Variants in MMEL1 observed in about 807,000 individuals in gnomAD.
The protein encoded by MMEL1 is membrane metallo-endopeptidase-like 1.
Under a neutral mutation model 117.1 loss-of-function variants are expected in MMEL1, and 98 were observed. The ratio of observed to expected loss-of-function variants is 0.84; its 90% CI spans 0.71 to 0.99. The LOEUF (loss-of-function observed/expected upper bound fraction) is 0.99. MMEL1 is among the 50% of genes least tolerant of loss of function. The probability of loss-of-function intolerance (pLI) is 0.00; values close to 1 mark genes in which losing one functional copy is unlikely to be tolerated. For synonymous variants in MMEL1, 390 were observed against 415.1 expected (o/e 0.94, Z 0.74); for missense variants, 1,014 against 1,049.1 (o/e 0.97, Z 0.46).
intron 22 of MMEL1, 136 bp downstream of exon 22, chr1:2,591,796 C>A (rs556435198): frequency 9.3e-7 from 1 of 1,076,306 alleles, no homozygotes; most frequent in East Asian, 2.4e-5. Flanking sequence ...GTCCAGCTCC[C>A]GCCCCCTGCC....
At position 2,612,177 on chromosome 1, in the gene MMEL1, C is replaced by G. The variant is rs147345065; in HGVS notation, c.182G>C (p.Arg61Pro). Residue 61 changes from arginine to proline, a missense_variant, in exon 3 of 24, where the codon CGG becomes CCG. Arg to Pro is a moderately radical substitution (Grantham distance 103, BLOSUM62 -2). Coordinates refer to ENST00000378412, the MANE Select transcript of MMEL1 (RefSeq NM_033467.4). This position sits in a 1 kb window ranked among gnomAD's most constrained non-coding sequence, Gnocchi z 5.4. ...CCTCTCCTCCTGTAAGAAGCACAGC[C>G]GGCTAGCAAGGCGTGGCAGCTGCTT... Reference protein sequence around the residue: ...RGKQLPRLASRLCFLQEERTF... With the variant: ...RGKQLPRLASPLCFLQEERTF... 1 of 1,579,212 alleles carries G rather than the reference C, an allele frequency of 6.3e-7. No individual in the cohort carries two copies. The highest frequency in any genetic ancestry group is 1.2e-5 in the South Asian group (1 of 86,602).
intron 2 of MMEL1, among the ~76,000 whole-genome samples, chr1:2,618,416 CA>C (rs1261088988): frequency 6.6e-6 from 1 of 152,356 alleles, no homozygotes; most frequent in Admixed American, 6.5e-5. Flanking sequence ...ATAAATTACT[CA>C]GTCTCAGGTA....
intron 23 of MMEL1, chr1:2,591,341 G>C (rs1158101910): frequency 3.3e-6 from 2 of 599,708 alleles, no homozygotes; most frequent in East Asian, 2.8e-5. Flanking sequence ...AACATTCGCA[G>C]CCTGCGGTAG....
intron 4 of MMEL1, among the ~76,000 whole-genome samples, chr1:2,610,376 G>A (rs1645106409): frequency 1.3e-5 from 2 of 152,222 alleles, no homozygotes; most frequent in South Asian, 4.1e-4. Flanking sequence ...CAAACCCTCC[G>A]AGACTCATTT....
intron 19 of MMEL1, among the ~76,000 whole-genome samples, 157 bp from the exon 20 acceptor site, chr1:2,593,123 G>A (rs1032417476): frequency 6.6e-6 from 1 of 152,152 alleles, no homozygotes; most frequent in East Asian, 1.9e-4. Flanking sequence ...AGAGCATCGC[G>A]GGCTCCAAGG....
At chr1:2,617,447 A>G (rs1045454298) in intron 2 of MMEL1, among the ~76,000 whole-genome samples, 1 of 149,996 alleles carries the variant, frequency 6.7e-6, no homozygotes, top group Non-Finnish European at 1.5e-5. Context: ...AAAAAAAAAA[A>G]AAATTAGTCA....
chr1:2,606,239 G>T lies in MMEL1; in HGVS notation c.750+9C>A, dbSNP rs759883569. On this transcript the variant is annotated intron_variant, in intron 8 of 23. Coordinates refer to ENST00000378412, the MANE Select transcript of MMEL1 (RefSeq NM_033467.4). ...CCTGCCTACCCCTGCCCACCGGCGC[G>T]GCTCGTACGTAGATGATGTGCCGGC... The T allele has an allele frequency of 6.2e-7, 1 of 1,610,100 alleles. No individual in the cohort carries two copies. The highest frequency in any genetic ancestry group is 1.3e-5 in the African/African-American group (1 of 74,882).
intron 6 of MMEL1, among the ~76,000 whole-genome samples, chr1:2,609,034 TACACACACACACACACACACACACAC>T (rs70956312): frequency 6.9e-6 from 1 of 144,670 alleles, no homozygotes; most frequent in African/African-American, 2.5e-5. Context: ...ATCCATATAA[TACACACACACACACACACACACACAC>T]ACACACACAC....
At position 2,594,837 on chromosome 1, in the gene MMEL1, G is replaced by C; in HGVS notation, c.1641C>G (p.Gly547=). 2 of 1,613,972 alleles carry C rather than the reference G, an allele frequency of 1.2e-6. No individual in the cohort carries two copies. The highest frequency in any genetic ancestry group is 1.7e-6 in the Non-Finnish European group (2 of 1,179,994). ...GAAGCTTCCTGAGGCTCCGCTGGGCGCCCACCTTGAGGTTCTGCAGACTGT... is the reference window on the plus strand; with the variant it reads ...GAAGCTTCCTGAGGCTCCGCTGGGCCCCCACCTTGAGGTTCTGCAGACTGT... ...FENSLQNLKV[G]AQRSLRKLRE... is the part of the protein sequence containing the mutation. The change falls in exon 17 of 24, where the codon GGC becomes GGG. Residue 547 remains glycine, a synonymous_variant. Coordinates refer to ENST00000378412, the MANE Select transcript of MMEL1 (RefSeq NM_033467.4).
In MMEL1 at chr1:2,609,418, C is replaced by T. The variant is rs145177132; in HGVS notation, c.456G>A (p.Ala152=). 5.2e-5 allele frequency: 84 copies of T among 1,609,252 alleles called. 1 individual carries two copies. In the African/African-American group the frequency reaches 7.1e-4, roughly 14 times the overall value. Residue 152 remains alanine, a splice_region_variant and synonymous_variant, in exon 6 of 24, where the codon GCG becomes GCA. Transcript: ENST00000378412. The part of the protein sequence containing the change: ...LRDELEVILK[A]VLENSTAKDR... Reference sequence around the variant, plus strand: ...CCTTGGCAGTCGAATTCTCCAGCACCGCTGTGGGCACAGGAAAAGGTTGGA... The same window carrying T: ...CCTTGGCAGTCGAATTCTCCAGCACTGCTGTGGGCACAGGAAAAGGTTGGA...
At position 2,598,856 on chromosome 1, in the gene MMEL1, T is replaced by C. The variant is rs78527105; in HGVS notation, c.1042-66A>G. 7.2e-4 allele frequency: 1,016 copies of C among 1,403,156 alleles called. 4 individuals are homozygous for C. The African/African-American group carries it at 0.013, about 18-fold the overall frequency. The allele number at this position is 1,403,156 out of a possible 1,614,324, so 86.9% of individuals were successfully genotyped here. On this transcript the variant is annotated intron_variant, in intron 11 of 23. Coordinates refer to ENST00000378412, the MANE Select transcript of MMEL1 (RefSeq NM_033467.4). ...GAGGGAGAAACAGTTCCTGGGAATC[T>C]AAGAAACCCAGCCCCTGTTGAAGAA...
At chr1:2,621,688 C>T (rs1161464774) in intron 2 of MMEL1, among the ~76,000 whole-genome samples, 10 of 152,224 alleles carry the variant, frequency 6.6e-5, no homozygotes, top group Admixed American at 2.6e-4. Context: ...CTCAGCCTCC[C>T]GAGTAGCTGG....
chr1:2,601,152 A>C (rs1007055731), intron 11 of MMEL1, among the ~76,000 whole-genome samples: 3 of 152,266 alleles, frequency 2.0e-5, no homozygotes, highest in Admixed American at 6.5e-5. Context: ...AGAATTATCA[A>C]GACACTCTTG....
chr1:2,631,409 T>C (rs1344414996), intron 1 of MMEL1, among the ~76,000 whole-genome samples: 1 of 150,664 alleles, frequency 6.6e-6, no homozygotes, highest in African/African-American at 2.4e-5. Context: ...GCCCCCCTGC[T>C]GTGGACTTTG....
At chr1:2,628,402 G>C (rs1638371739) in intron 2 of MMEL1, among the ~76,000 whole-genome samples, 1 of 152,258 alleles carries the variant, frequency 6.6e-6, no homozygotes, top group African/African-American at 2.4e-5. Flanking sequence ...CCAGACATGA[G>C]GGGGCATTCT....
intron 11 of MMEL1, 45 bp from the exon 12 acceptor site, chr1:2,598,835 G>GCC: frequency 6.9e-7 from 1 of 1,449,312 alleles, no homozygotes; most frequent in Non-Finnish European, 9.6e-7. Flanking sequence ...GAGAGAGAGG[G>GCC]AGAAACAGTT....
rs1645121972 is a variant in MMEL1, at chr1:2,611,234, C to A, written c.292+47G>T. On this transcript the variant is annotated intron_variant, in intron 4 of 23. Coordinates refer to ENST00000378412, the MANE Select transcript of MMEL1 (RefSeq NM_033467.4). ...GGCCTACGTCAGTGTCAGCCGGGAGCCCCCAGCCCTTGGGCAGGCTGTGGA... is the reference window on the plus strand; with the variant it reads ...GGCCTACGTCAGTGTCAGCCGGGAGACCCCAGCCCTTGGGCAGGCTGTGGA... The A allele has an allele frequency of 3.9e-6, 6 of 1,525,388 alleles. No homozygotes were observed. The East Asian group carries it at 1.3e-4, about 32-fold the overall frequency. 94.5% of individuals were successfully genotyped at this position (1,525,388 alleles called of 1,614,324 possible).
intron 6 of MMEL1, among the ~76,000 whole-genome samples, chr1:2,608,667 T>C (rs780984601): frequency 6.6e-6 from 1 of 151,644 alleles, no homozygotes; most frequent in Non-Finnish European, 1.5e-5. Context: ...AACACACCCA[T>C]AGAATACACA....
In MMEL1 at chr1:2,591,633, C is replaced by G; in HGVS notation, c.2164G>C (p.Val722Leu). Residue 722 changes from valine to leucine, a missense_variant and splice_region_variant, in exon 23 of 24, where the codon GTG becomes CTG. Physicochemically the swap from Val to Leu is conservative, Grantham distance 32. Transcript: ENST00000378412. ...EQLFFINYAQVWCGSYRPEFA... is the reference protein window; with the variant it reads ...EQLFFINYAQLWCGSYRPEFA... The stretch of plus-strand genomic sequence containing the variant: ...TCGGGCCGGTAGGACCCGCACCACA[C>G]CTGTGGGCATGTTGGGGGCGTGGCT... The G allele has an allele frequency of 6.2e-7, 1 of 1,611,162 alleles. No homozygotes were observed. Among genetic ancestry groups the G allele is most frequent in the Non-Finnish European group, 8.5e-7 (1 of 1,178,808 alleles).
Sources: gnomAD v4.1 joint callset for allele counts (sites outside exome capture counted in the v4.1 genomes callset) on GRCh38, gnomAD v4.1.1 for gene constraint, Gnocchi (gnomAD v3.1) non-coding constraint, MANE v1.5 for transcripts, NCBI Gene and HGNC (gene_info 2026-07-23, HGNC 2026-07-21) for gene names.